BRSK2: variants seen among roughly 807,000 people sequenced by gnomAD.
BRSK2 encodes serine/threonine-protein kinase BRSK2.
BRSK2 carries 19 observed loss-of-function variants against 83.3 expected under a neutral mutation model. That is an observed-to-expected ratio of 0.23 (90% confidence interval 0.16 to 0.33). The LOEUF (loss-of-function observed/expected upper bound fraction) is 0.33, where lower values mean the gene tolerates loss of function less well. Among genes scored for constraint, BRSK2 ranks in the 10% least tolerant of loss-of-function variants. The probability of loss-of-function intolerance (pLI) is 1.00; values close to 1 mark genes in which losing one functional copy is unlikely to be tolerated. For synonymous variants in BRSK2, 519 were observed against 435.4 expected (o/e 1.19, Z -2.39); for missense variants, 798 against 1,042.3 (o/e 0.77, Z 3.23).
intron 18 of BRSK2, among the ~76,000 whole-genome samples, chr11:1,457,962 C>T (rs182067450): frequency 2.4e-4 from 37 of 152,280 alleles, no homozygotes; most frequent in African/African-American, 8.2e-4. Flanking sequence ...TCCAGGTGCT[C>T]GGCCCCGCAG....
At chr11:1,457,274 G>A (rs1344317104) in intron 18 of BRSK2, among the ~76,000 whole-genome samples, 14 of 152,192 alleles carry the variant, frequency 9.2e-5, no homozygotes, top group African/African-American at 3.1e-4. Flanking sequence ...CCCTAGGAGG[G>A]CCGCGGGCTG....
At chr11:1,439,594 C>T (rs528325869) in intron 3 of BRSK2, among the ~76,000 whole-genome samples, 1 of 152,066 alleles carries the variant, frequency 6.6e-6, no homozygotes, top group East Asian at 1.9e-4. Flanking sequence ...AGGAAAGAGC[C>T]CAGGAGGTGG....
intron 1 of BRSK2, among the ~76,000 whole-genome samples, chr11:1,427,586 C>T (rs569693760): frequency 2.6e-5 from 4 of 152,344 alleles, no homozygotes; most frequent in East Asian, 1.9e-4. Flanking sequence ...CGCCGGCACA[C>T]GCTCCCACAG....
chr11:1,460,868 G>C lies in BRSK2; in HGVS notation c.*145G>C. 6.3e-7 allele frequency: 1 copy of C among 1,577,888 alleles called. No homozygotes were observed. The highest frequency in any genetic ancestry group is 1.1e-5 in the South Asian group (1 of 87,168). ...CTGGGAGGAAAGGAAAGGGGCGTTGGGGCCGGCCTGTGGGCTGCGCCACCC... is the reference window on the plus strand; with the variant it reads ...CTGGGAGGAAAGGAAAGGGGCGTTGCGGCCGGCCTGTGGGCTGCGCCACCC... On this transcript the variant is annotated 3_prime_UTR_variant, in exon 20 of 20. Transcript: ENST00000528841.
At position 1,454,649 on chromosome 11, in the gene BRSK2, AAC is replaced by A; in HGVS notation, c.1668+42_1668+43del. ...GCTGGGGGAGGCGGGCAGCCCTCCC[AAC>A]CCCACACGGCCCAGCCCCGAGAATC... is the stretch of plus-strand genomic sequence containing the variant. On this transcript the variant is annotated intron_variant, in intron 16 of 19. Transcript: ENST00000528841. This position sits in a 1 kb window ranked among gnomAD's most constrained non-coding sequence, Gnocchi z 5.2. 6.2e-7 allele frequency: 1 copy of A among 1,608,448 alleles called. No individual in the cohort carries two copies. The highest frequency in any genetic ancestry group is 8.5e-7 in the Non-Finnish European group (1 of 1,178,384).
At chr11:1,408,020 T>A (rs1007813497) in intron 1 of BRSK2, among the ~76,000 whole-genome samples, 8 of 152,188 alleles carry the variant, frequency 5.3e-5, no homozygotes, top group African/African-American at 1.7e-4. Flanking sequence ...CTCCATCACC[T>A]CCTGGTGGAG....
chr11:1,421,892 C>T (rs997796505), intron 1 of BRSK2, among the ~76,000 whole-genome samples: 1 of 151,928 alleles, frequency 6.6e-6, no homozygotes, highest in Non-Finnish European at 1.5e-5. Context: ...AACCTGCCGG[C>T]CCAGCACCGG....
At chr11:1,435,007 C>T (rs941113600) in intron 1 of BRSK2, among the ~76,000 whole-genome samples, 4 of 151,442 alleles carry the variant, frequency 2.6e-5, no homozygotes, top group Non-Finnish European at 4.4e-5. Flanking sequence ...TGGGCCGAGG[C>T]GCGGAGGGGG....
At chr11:1,395,926 G>A (rs1846052463) in intron 1 of BRSK2, among the ~76,000 whole-genome samples, 1 of 152,216 alleles carries the variant, frequency 6.6e-6, no homozygotes, top group Admixed American at 6.5e-5. Flanking sequence ...GGGGAATGCA[G>A]GGCCTGGGCT....
At chr11:1,419,428 C>T (rs1293990337) in intron 1 of BRSK2, among the ~76,000 whole-genome samples, 3 of 152,238 alleles carry the variant, frequency 2.0e-5, no homozygotes, top group Admixed American at 6.5e-5. Context: ...TTTCTGTTAT[C>T]TTGTTCTGCT....
At chr11:1,451,343 T>A in intron 14 of BRSK2, 28 bp from the exon 15 acceptor site, 2 of 1,612,690 alleles carry the variant, frequency 1.2e-6, no homozygotes. Flanking sequence ...TCACCACGCC[T>A]TTCCTCCTGT....
intron 18 of BRSK2, among the ~76,000 whole-genome samples, chr11:1,458,041 C>T (rs1443928041): frequency 6.6e-6 from 1 of 152,154 alleles, no homozygotes; most frequent in Non-Finnish European, 1.5e-5. Flanking sequence ...CTCTCTGAGC[C>T]TTGAAAGCCT....
intron 1 of BRSK2, among the ~76,000 whole-genome samples, chr11:1,420,179 T>C (rs1017752236): frequency 5.3e-5 from 8 of 152,224 alleles, no homozygotes; most frequent in African/African-American, 1.7e-4. Context: ...CGTGTGTGCA[T>C]GTGTGATGGC....
intron 1 of BRSK2, among the ~76,000 whole-genome samples, chr11:1,406,118 C>T (rs1158036822): frequency 6.6e-6 from 1 of 152,198 alleles, no homozygotes; most frequent in Non-Finnish European, 1.5e-5. Context: ...CCTGCCCAGC[C>T]TTCCCCTCCT....
At chr11:1,460,021 C>G (rs1486348252) in intron 19 of BRSK2, among the ~76,000 whole-genome samples, 2 of 151,540 alleles carry the variant, frequency 1.3e-5, no homozygotes, top group Admixed American at 1.3e-4. Flanking sequence ...GAGCTCCCAG[C>G]AGGCCCTTGT....
At chr11:1,420,066 G>A (rs1017387074) in intron 1 of BRSK2, among the ~76,000 whole-genome samples, 1 of 152,240 alleles carries the variant, frequency 6.6e-6, no homozygotes, top group Non-Finnish European at 1.5e-5. Flanking sequence ...CTCTTTCTTG[G>A]ATAAGAGGGA....
chr11:1,413,048 C>T (rs1037301581), intron 1 of BRSK2, among the ~76,000 whole-genome samples: 2 of 152,150 alleles, frequency 1.3e-5, no homozygotes, highest in African/African-American at 4.8e-5. Flanking sequence ...ATGTTAGGAG[C>T]CTGCGTTCAG....
At chr11:1,447,126 G>A (rs543647130) in intron 12 of BRSK2, among the ~76,000 whole-genome samples, 3 of 151,996 alleles carry the variant, frequency 2.0e-5, no homozygotes, top group African/African-American at 7.2e-5. Flanking sequence ...CCAGCCCCCA[G>A]AACCTCCTTC....
At chr11:1,450,843 G>A (rs766555332) in intron 14 of BRSK2, 49 bp downstream of exon 14, 31 of 1,518,328 alleles carry the variant, frequency 2.0e-5, no homozygotes, top group African/African-American at 7.0e-5. Context: ...GAGAGCAGAG[G>A]CTGCCTTGGG....
Sources: allele counts gnomAD v4.1 joint callset (sites outside exome capture counted in the v4.1 genomes callset), GRCh38; gene constraint gnomAD v4.1.1; non-coding constraint Gnocchi (gnomAD v3.1); transcripts MANE v1.5; gene names NCBI Gene and HGNC (gene_info 2026-07-23, HGNC 2026-07-21).